The following QSOX2 variants were observed in gnomAD, a reference collection of about 807,000 sequenced individuals.
QSOX2 encodes sulfhydryl oxidase 2.
Under a neutral mutation model 61.7 loss-of-function variants are expected in QSOX2, and 46 were observed. The observed-to-expected ratio is 0.75, with a 90% CI of 0.59 to 0.95. The LOEUF (loss-of-function observed/expected upper bound fraction) is 0.95, where lower values mean the gene tolerates loss of function less well. Among genes scored for constraint, QSOX2 ranks in the 40% least tolerant of loss-of-function variants. The pLI is 0.00. For missense variants in QSOX2, 879 were observed against 918.9 expected (o/e 0.96, Z 0.56); for synonymous variants, 383 against 388.4 (o/e 0.99, Z 0.16).
intron 1 of QSOX2, among the ~76,000 whole-genome samples, chr9:136,244,504 G>A (rs1328781831): frequency 3.3e-5 from 5 of 152,238 alleles, no homozygotes; most frequent in Non-Finnish European, 7.3e-5. Flanking sequence ...AAAGGTGCAG[G>A]AAGAAAGAGT....
chr9:136,225,698 C>T (rs1397120859), intron 2 of QSOX2, among the ~76,000 whole-genome samples: 3 of 152,370 alleles, frequency 2.0e-5, no homozygotes, highest in Non-Finnish European at 4.4e-5. Flanking sequence ...CGCACAGCAG[C>T]GCCGTTCAAA....
Position 136,208,756 on chromosome 9 carries a change from T to A in QSOX2, c.2069A>T (p.Lys690Met), listed in dbSNP as rs1448526603. ...FFFRVRSRRWKVKHHHPAV is the reference protein window; with the variant it reads ...FFFRVRSRRWMVKHHHPAV Reference sequence around the variant, plus strand: ...CACGGCCGGGTGGTGGTGCTTGACCTTCCACCGCCTGGACCTCACCCGGAA... The same window carrying A: ...CACGGCCGGGTGGTGGTGCTTGACCATCCACCGCCTGGACCTCACCCGGAA... The change falls in exon 12 of 12, where the codon AAG becomes ATG. Residue 690 changes from lysine (K) to methionine (M), a missense_variant. By Grantham distance (95) the Lys-to-Met change is moderately conservative. Coordinates refer to ENST00000358701, the MANE Select transcript of QSOX2 (RefSeq NM_181701.4). 5 of 1,612,092 alleles carry A rather than the reference T, an allele frequency of 3.1e-6. No homozygotes were observed. The highest frequency in any genetic ancestry group is 4.2e-6 in the Non-Finnish European group (5 of 1,179,098).
chr9:136,237,787 G>A (rs553996897), intron 1 of QSOX2, among the ~76,000 whole-genome samples: 5 of 152,298 alleles, frequency 3.3e-5, no homozygotes, highest in South Asian at 2.1e-4. Context: ...CCTGGAGCCC[G>A]TCCTGTGCCA....
At position 136,209,035 on chromosome 9, in the gene QSOX2, G is replaced by A. The variant is rs150236336; in HGVS notation, c.1790C>T (p.Pro597Leu). ...GEEEEKRLTPPEVSHGDRDTQ... is the reference protein window; with the variant it reads ...GEEEEKRLTPLEVSHGDRDTQ... ...GTCTCGGTCTCCATGGGACACCTCT[G>A]GGGGAGTGAGTCTTTTCTCCTCTTC... The change falls in exon 12 of 12, where the codon CCA (proline) becomes CTA (leucine). Residue 597 changes from proline to leucine, a missense_variant. Coordinates refer to ENST00000358701, the MANE Select transcript of QSOX2 (RefSeq NM_181701.4). The surrounding 1 kb of genome is among the most constrained non-coding windows in gnomAD (Gnocchi z 5.6). 1 of 1,614,082 alleles carries A rather than the reference G, an allele frequency of 6.2e-7. No individual in the cohort carries two copies. The highest frequency in any genetic ancestry group is 1.7e-5 in the Admixed American group (1 of 60,022).
chr9:136,224,900 C>G lies in QSOX2; in HGVS notation c.439G>C (p.Ala147Pro). ...HFYPTFRYFK[A>P]FTKEFTTGEN... ...CCAGTTGTAAACTCCTTTGTAAATG[C>G]TTTAAAATACTAAGAGGAAAAACAC... The change falls in exon 3 of 12, where the codon GCA becomes CCA. Residue 147 changes from alanine to proline, a missense_variant. Ala to Pro is a conservative substitution (Grantham distance 27, BLOSUM62 -1). Coordinates refer to ENST00000358701, the MANE Select transcript of QSOX2 (RefSeq NM_181701.4). The G allele has an allele frequency of 1.9e-6, 3 of 1,604,608 alleles. No individual in the cohort carries two copies. In the African/African-American group the frequency reaches 4.0e-5, roughly 22 times the overall value.
Position 136,218,758 on chromosome 9 carries a change from C to A in QSOX2, c.1007G>T (p.Arg336Leu), listed in dbSNP as rs777754229. The change falls in exon 8 of 12, where the codon CGG (arginine) becomes CTG (leucine). Residue 336 changes from arginine (R) to leucine (L), a missense_variant. Arg to Leu is a moderately radical substitution (Grantham distance 102, BLOSUM62 -2). Coordinates refer to ENST00000358701, the MANE Select transcript of QSOX2 (RefSeq NM_181701.4). ...GGACTTGTGGGCTGCCAGCTCCACCCGCAGGAGGTAGTGTAGCCCTGACTC... is the reference window on the plus strand; with the variant it reads ...GGACTTGTGGGCTGCCAGCTCCACCAGCAGGAGGTAGTGTAGCCCTGACTC... ...DLESGLHYLLRVELAAHKSLA... is the reference protein window; with the variant it reads ...DLESGLHYLLLVELAAHKSLA... The A allele has an allele frequency of 6.2e-7, 1 of 1,613,662 alleles. No individual in the cohort carries two copies. Among genetic ancestry groups the A allele is most frequent in the Admixed American group, 1.7e-5 (1 of 60,020 alleles).
At chr9:136,244,658 G>T (rs1435439149) in intron 1 of QSOX2, among the ~76,000 whole-genome samples, 2 of 152,192 alleles carry the variant, frequency 1.3e-5, no homozygotes, top group Non-Finnish European at 2.9e-5. Flanking sequence ...TGTTGTGAAT[G>T]CCCCCTCCCA....
At position 136,226,844 on chromosome 9, in the gene QSOX2, AG is replaced by A; in HGVS notation, c.358del (p.Leu120TrpfsTer53). ...DWASAIRVAA[L>X]DCMEEKNQAV... ...CTGGTTCTTCTCTTCCATGCAGTCC[AG>A]AGCTGCGACGCGAATGGCACTGGCC... is the stretch of plus-strand genomic sequence containing the variant. On this transcript the variant is annotated frameshift_variant, in exon 2 of 12. Coordinates refer to ENST00000358701, the MANE Select transcript of QSOX2 (RefSeq NM_181701.4). LOFTEE classifies it high-confidence loss of function. 1 of 1,614,214 alleles carries A rather than the reference AG, an allele frequency of 6.2e-7. No homozygotes were observed. Among genetic ancestry groups the A allele is most frequent in the Non-Finnish European group, 8.5e-7 (1 of 1,180,014 alleles).
chr9:136,237,258 G>T (rs1419488391), intron 1 of QSOX2, among the ~76,000 whole-genome samples: 5 of 128,560 alleles, frequency 3.9e-5, no homozygotes, highest in Admixed American at 1.6e-4. Context: ...GCCCATCCTG[G>T]GCTGGCGTCA....
Position 136,221,792 on chromosome 9 carries a change from TCA to T in QSOX2, c.821+2_821+3del. ...GAGTTCCCAGACCCCACCCGGGCAC[TCA>T]CACGTTAATCAATCCATGCGACCCA... On this transcript the variant is annotated splice_donor_variant and splice_donor_region_variant and intron_variant, in intron 6 of 11. Transcript: ENST00000358701. LOFTEE classifies it high-confidence loss of function. This position sits in a 1 kb window ranked among gnomAD's most constrained non-coding sequence, Gnocchi z 4.5. 1.3e-6 allele frequency: 2 copies of T among 1,594,198 alleles called. No individual in the cohort carries two copies. Among genetic ancestry groups the T allele is most frequent in the Non-Finnish European group, 1.7e-6 (2 of 1,168,666 alleles).
chr9:136,209,913 C>T lies in QSOX2; in HGVS notation c.1550-638G>A. The T allele has an allele frequency of 1.0e-6, 1 of 985,420 alleles. No individual in the cohort carries two copies. Among genetic ancestry groups the T allele is most frequent in the Non-Finnish European group, 1.2e-6 (1 of 829,936 alleles). The allele number at this position is 985,420 out of a possible 1,614,324, so 61.0% of individuals were successfully genotyped here. On this transcript the variant is annotated intron_variant, in intron 11 of 11. Transcript: ENST00000358701. The surrounding 1 kb of genome is among the most constrained non-coding windows in gnomAD (Gnocchi z 5.6). ...CCAGGCCCAACAGGCATCCGTCATG[C>T]AGAAGCTGCGGCGCACGGCGCCTCC...
At chr9:136,224,407 G>GGCTCCACTGGGTCACTCACAGGCA (rs1487726015) in intron 3 of QSOX2, among the ~76,000 whole-genome samples, 1 of 152,018 alleles carries the variant, frequency 6.6e-6, no homozygotes, top group Non-Finnish European at 1.5e-5. Flanking sequence ...CAGGCCAGGC[G>GGCTCCACTGGGTCACTCACAGGCA]GCTCCACTGG....
At chr9:136,212,001 C>T (rs1831852428) in intron 10 of QSOX2, among the ~76,000 whole-genome samples, 1 of 152,248 alleles carries the variant, frequency 6.6e-6, no homozygotes, top group East Asian at 1.9e-4. Flanking sequence ...GACTCTTAAG[C>T]TGCCGCCAGC....
chr9:136,229,514 T>TA (rs397946152), intron 1 of QSOX2, among the ~76,000 whole-genome samples: 138 of 152,076 alleles, frequency 9.1e-4, no homozygotes, highest in African/African-American at 2.7e-3. Context: ...ACACTTTTTT[T>TA]AAAAAAAAGC....
At chr9:136,210,658 T>C (rs1831833267) in intron 11 of QSOX2, 2 of 985,348 alleles carry the variant, frequency 2.0e-6, no homozygotes, top group Admixed American at 6.1e-5. Context: ...TCAGCTGTAA[T>C]ATGTTTTTCT....
chr9:136,237,574 TCACCTGGAGCCCGTCCTGTGCCA>T (rs1328570304), intron 1 of QSOX2, among the ~76,000 whole-genome samples: 9 of 123,948 alleles, frequency 7.3e-5, no homozygotes, highest in African/African-American at 3.0e-4. Flanking sequence ...TGTGGCGGCG[TCACCTGGAGCCCGTCCTGTGCCA>T]CACCTGGAGC....
Position 136,207,309 on chromosome 9 carries a change from A to G in QSOX2, c.*1419T>C, listed in dbSNP as rs1283123961. ...TAGTAAACACATGATTATACAACAT[A>G]AAGTAGGCAAAGCGGAAAAAATATC... is the stretch of plus-strand genomic sequence containing the variant. On this transcript the variant is annotated 3_prime_UTR_variant, in exon 12 of 12. Transcript: ENST00000358701. The G allele has an allele frequency of 1.3e-5, 2 of 152,288 alleles. No individual in the cohort carries two copies. The highest frequency in any genetic ancestry group is 4.8e-5 in the African/African-American group (2 of 41,386). 9.4% of individuals were successfully genotyped at this position (152,288 alleles called of 1,614,324 possible).
intron 1 of QSOX2, among the ~76,000 whole-genome samples, chr9:136,228,300 A>G (rs953177341): frequency 1.3e-5 from 2 of 152,208 alleles, no homozygotes; most frequent in African/African-American, 4.8e-5. Context: ...ACAATTCTGT[A>G]AAGAGAGACC....
chr9:136,233,599 C>T (rs1830351899), intron 1 of QSOX2, among the ~76,000 whole-genome samples: 1 of 152,216 alleles, frequency 6.6e-6, no homozygotes, highest in African/African-American at 2.4e-5. Flanking sequence ...AAACTGTGTC[C>T]ACAGGCTGTG....
Sources: gnomAD v4.1 joint callset for allele counts (sites outside exome capture counted in the v4.1 genomes callset) on GRCh38, gnomAD v4.1.1 for gene constraint, Gnocchi (gnomAD v3.1) non-coding constraint, MANE v1.5 for transcripts, NCBI Gene and HGNC (gene_info 2026-07-23, HGNC 2026-07-21) for gene names.